MAPK8IP2: variants seen among roughly 807,000 people sequenced by gnomAD.
The protein encoded by MAPK8IP2 is mitogen-activated protein kinase 8 interacting protein 2, also known as C-Jun-amino-terminal kinase-interacting protein 2.
A neutral mutation model predicts 75.6 loss-of-function variants in MAPK8IP2; 15 were observed. The observed-to-expected ratio is 0.20, with a 90% CI of 0.13 to 0.31. The LOEUF (loss-of-function observed/expected upper bound fraction) is 0.31. Among genes scored for constraint, MAPK8IP2 ranks in the 10% least tolerant of loss-of-function variants. The probability of loss-of-function intolerance (pLI) is 1.00; values close to 1 mark genes in which losing one functional copy is unlikely to be tolerated. For missense variants in MAPK8IP2, 1,089 were observed against 1,211.2 expected (o/e 0.90, Z 1.50); for synonymous variants, 632 against 554.5 (o/e 1.14, Z -1.96).
chr22:50,602,539 C>T (rs1441397958), intron 2 of MAPK8IP2, among the ~76,000 whole-genome samples: 2 of 152,158 alleles, frequency 1.3e-5, no homozygotes, highest in African/African-American at 4.8e-5. Context: ...ATAAGTTCCA[C>T]GAGGGGGAAG....
At chr22:50,608,203 G>A (rs952572668) in intron 10 of MAPK8IP2, among the ~76,000 whole-genome samples, 5 of 152,338 alleles carry the variant, frequency 3.3e-5, no homozygotes, top group South Asian at 2.1e-4. Flanking sequence ...TGTCCCCGCC[G>A]AGTGCAGAGA....
chr22:50,610,663 G>A lies in MAPK8IP2; in HGVS notation c.2403-44G>A, dbSNP rs1201053833. ...CTCTGTGGAAGGCAGTTTGGGGGTTGAGGACCGGCCCTGAGTGGCTGGTGG... is the reference window on the plus strand; with the variant it reads ...CTCTGTGGAAGGCAGTTTGGGGGTTAAGGACCGGCCCTGAGTGGCTGGTGG... On this transcript the variant is annotated intron_variant, in intron 11 of 11. Transcript: ENST00000329492. This position sits in a 1 kb window ranked among gnomAD's most constrained non-coding sequence, Gnocchi z 4.3. 6.5e-7 allele frequency: 1 copy of A among 1,533,632 alleles called. No individual in the cohort carries two copies. The highest frequency in any genetic ancestry group is 1.2e-5 in the South Asian group (1 of 86,082).
chr22:50,609,792 C>G (rs754568251), intron 10 of MAPK8IP2: 1 of 519,710 alleles, frequency 1.9e-6, no homozygotes, highest in Non-Finnish European at 3.8e-6. Flanking sequence ...GGGGTAACGT[C>G]CAGCCCCACC....
chr22:50,602,230 TG>T (rs1569062811), intron 2 of MAPK8IP2, among the ~76,000 whole-genome samples: 1 of 152,052 alleles, frequency 6.6e-6, no homozygotes, highest in Non-Finnish European at 1.5e-5. Flanking sequence ...ATCACAACCT[TG>T]TCCCCTCTGC....
chr22:50,609,676 A>G (rs1368628429), intron 10 of MAPK8IP2: 1 of 457,776 alleles, frequency 2.2e-6, no homozygotes, highest in Non-Finnish European at 4.4e-6. Flanking sequence ...GATTTTTGCT[A>G]ATGTCTGGGT....
chr22:50,605,674 C>T lies in MAPK8IP2; in HGVS notation c.1954C>T (p.Arg652Cys), dbSNP rs200464821. ...FRGFNMRTGE[R>C]GVFPAFYAHA... ...TGGCTTCAACATGCGCACGGGGGAG[C>T]GCGGTGTGTTTCCTGCCTTCTACGC... The change falls in exon 7 of 12, where the codon CGC becomes TGC. Residue 652 changes from arginine to cysteine, a missense_variant. Arg to Cys is a radical substitution (Grantham distance 180). This residue lies in a region of MAPK8IP2 where 960 missense variants were observed against 1,009.6 expected (regional missense o/e 0.95). Transcript: ENST00000329492. 237 of 1,612,362 alleles carry T rather than the reference C, an allele frequency of 1.5e-4. No individual in the cohort carries two copies. The highest frequency in any genetic ancestry group is 1.9e-4 in the Non-Finnish European group (227 of 1,179,610).
chr22:50,603,339 A>AGAGGAG lies in MAPK8IP2; in HGVS notation c.305_310dup (p.Glu102_Glu103dup), dbSNP rs572434194. The stretch of plus-strand genomic sequence containing the variant: ...AAGAGGAGGACGATGAGGACGAGGA[A>AGAGGAG]GAGGAGGAGGAGGAGGAGGAGGGAG... On this transcript the variant is annotated inframe_insertion, in exon 3 of 12. Transcript: ENST00000329492. The AGAGGAG allele has an allele frequency of 3.9e-6, 6 of 1,555,110 alleles. No homozygotes were observed. Among genetic ancestry groups the AGAGGAG allele is most frequent in the African/African-American group, 2.7e-5 (2 of 73,468 alleles).
At chr22:50,601,513 T>G in intron 1 of MAPK8IP2, 2 of 365,398 alleles carry the variant, frequency 5.5e-6, no homozygotes, top group African/African-American at 2.4e-5. Context: ...GAGCTGCGAG[T>G]GGAGGGAGGA....
At position 50,608,352 on chromosome 22, in the gene MAPK8IP2, G is replaced by A. The variant is rs113787404; in HGVS notation, c.2303+1361G>A. ...CGGGCAGGGGCGCAGACCAGACAGCGGGGCCAGCTCTGGGGTGGAAAGGTG... is the reference window on the plus strand; with the variant it reads ...CGGGCAGGGGCGCAGACCAGACAGCAGGGCCAGCTCTGGGGTGGAAAGGTG... On this transcript the variant is annotated intron_variant, in intron 10 of 11. Transcript: ENST00000329492. 1.1e-3 allele frequency among the ~76,000 whole-genome samples: 149 copies of A among 140,222 alleles called. 1 individual carries two copies. In the East Asian group the frequency reaches 0.024, roughly 22 times the overall value. The allele number at this position is 140,222 out of a possible 152,430, so 92.0% of individuals were successfully genotyped here.
chr22:50,608,997 T>A (rs2071100300), intron 10 of MAPK8IP2, among the ~76,000 whole-genome samples: 1 of 151,656 alleles, frequency 6.6e-6, no homozygotes. Flanking sequence ...GTCAGTCGAG[T>A]TTGGGGTTTG....
intron 2 of MAPK8IP2, among the ~76,000 whole-genome samples, chr22:50,602,968 CTG>C (rs1209372761): frequency 6.6e-6 from 1 of 152,182 alleles, no homozygotes; most frequent in Admixed American, 6.5e-5. Context: ...TTAGATGAGT[CTG>C]AAAGTGGGGC....
chr22:50,604,450 T>G lies in MAPK8IP2; in HGVS notation c.1151T>G (p.Val384Gly), dbSNP rs946683719. The change falls in exon 5 of 12, where the codon GTG (valine) becomes GGG (glycine). Residue 384 changes from valine to glycine, a missense_variant. Val to Gly is a moderately radical substitution (Grantham distance 109). Coordinates refer to ENST00000329492, the MANE Select transcript of MAPK8IP2 (RefSeq NM_012324.6). Reference protein sequence around the residue: ...SPAPRPPGEPVSPAGGAAQDS... With the variant: ...SPAPRPPGEPGSPAGGAAQDS... ...GCGCCGCGCCCGCCCGGGGAGCCCG[T>G]GTCGCCGGCCGGCGGGGCCGCCCAG... 6.8e-5 allele frequency: 94 copies of G among 1,388,046 alleles called. No individual in the cohort carries two copies. In the African/African-American group the frequency reaches 1.3e-3, roughly 19 times the overall value. 86.0% of individuals were successfully genotyped at this position (1,388,046 alleles called of 1,614,324 possible).
At position 50,607,699 on chromosome 22, in the gene MAPK8IP2, C is replaced by G. The variant is rs563951187; in HGVS notation, c.2303+708C>G. Among the ~76,000 whole-genome samples the G allele has an allele frequency of 6.6e-6, 1 of 151,624 alleles. No individual in the cohort carries two copies. The highest frequency in any genetic ancestry group is 1.5e-5 in the Non-Finnish European group (1 of 67,868). On this transcript the variant is annotated intron_variant, in intron 10 of 11. Coordinates refer to ENST00000329492, the MANE Select transcript of MAPK8IP2 (RefSeq NM_012324.6). The surrounding 1 kb of genome is among the most constrained non-coding windows in gnomAD (Gnocchi z 5.6). ...CCCTGGGGGATGGTTGTACTGCAGC[C>G]CACACACCGAGAGGGGATGCGGGAT...
In MAPK8IP2 at chr22:50,610,352, GT is replaced by G; in HGVS notation, c.2402+44del. On this transcript the variant is annotated intron_variant, in intron 11 of 11. Transcript: ENST00000329492. This position sits in a 1 kb window ranked among gnomAD's most constrained non-coding sequence, Gnocchi z 4.3. ...GGTGTGGGTGCAGAATGGGTGCAGG[GT>G]TACGGAGGTGGGGAGCGGAGGTGAG... The G allele has an allele frequency of 6.5e-7, 1 of 1,527,954 alleles. No individual in the cohort carries two copies. The highest frequency in any genetic ancestry group is 1.2e-5 in the South Asian group (1 of 84,972). 94.6% of individuals were successfully genotyped at this position (1,527,954 alleles called of 1,614,324 possible). A position where few individuals can be genotyped will look rare whatever the true frequency, so the allele number is the denominator to read the frequency against.
intron 4 of MAPK8IP2, 57 bp downstream of exon 4, chr22:50,603,776 T>A: frequency 1.9e-6 from 3 of 1,539,576 alleles, no homozygotes; most frequent in Non-Finnish European, 2.6e-6. Context: ...GCAGGGAGGA[T>A]GGACTGGCTG....
intron 2 of MAPK8IP2, 129 bp from the exon 3 acceptor site, chr22:50,603,094 G>A: frequency 2.2e-5 from 34 of 1,566,780 alleles, no homozygotes; most frequent in Non-Finnish European, 2.9e-5. Flanking sequence ...CCTGTAGACA[G>A]AGGGGCAGAG....
Position 50,604,393 on chromosome 22 carries a change from C to T in MAPK8IP2, c.1094C>T (p.Pro365Leu). The T allele has an allele frequency of 6.6e-7, 1 of 1,523,696 alleles. No homozygotes were observed. The highest frequency in any genetic ancestry group is 1.2e-5 in the South Asian group (1 of 82,978). 94.4% of individuals were successfully genotyped at this position (1,523,696 alleles called of 1,614,324 possible). A position where few individuals can be genotyped will look rare whatever the true frequency, so the allele number is the denominator to read the frequency against. Residue 365 changes from proline to leucine, a missense_variant, in exon 5 of 12, where the codon CCC becomes CTC. Pro to Leu is a moderately conservative substitution (Grantham distance 98). Transcript: ENST00000329492. ...CGCATGATCTCCGAGGGCTCCTCGC[C>T]CATCCGCTGCCCCGGCCAGTGCCTG... ...VSRMISEGSS[P>L]IRCPGQCLSP...
chr22:50,608,608 G>A (rs1184638877), intron 10 of MAPK8IP2, among the ~76,000 whole-genome samples: 2 of 142,556 alleles, frequency 1.4e-5, no homozygotes, highest in Admixed American at 7.0e-5. Context: ...GACAGCGAAC[G>A]GGGCGCAGAC....
intron 10 of MAPK8IP2, among the ~76,000 whole-genome samples, chr22:50,608,435 A>G (rs1467678836): frequency 3.3e-5 from 3 of 92,166 alleles, no homozygotes; most frequent in African/African-American, 9.0e-5. Context: ...TCACCAGGAC[A>G]GCGAACGGGG....
Sources: gnomAD v4.1 joint callset for allele counts (sites outside exome capture counted in the v4.1 genomes callset) on GRCh38, gnomAD v4.1.1 for gene constraint, gnomAD v4.1.1 regional missense constraint, Gnocchi (gnomAD v3.1) non-coding constraint, MANE v1.5 for transcripts, NCBI Gene and HGNC (gene_info 2026-07-23, HGNC 2026-07-21) for gene names.